SCN8A: variants seen among roughly 807,000 people sequenced by gnomAD.
The protein encoded by SCN8A is sodium voltage-gated channel alpha subunit 8, also known as sodium channel protein type 8 subunit alpha.
SCN8A carries 30 observed loss-of-function variants against 184.1 expected under a neutral mutation model. The ratio of observed to expected loss-of-function variants is 0.16; its 90% CI spans 0.12 to 0.22. The LOEUF (loss-of-function observed/expected upper bound fraction) is 0.22. Ranked by LOEUF, SCN8A falls within the 10% of genes least tolerant of loss-of-function variation. The probability of loss-of-function intolerance (pLI) is 1.00; values close to 1 mark genes in which losing one functional copy is unlikely to be tolerated. For synonymous variants in SCN8A, 852 were observed against 907.0 expected (o/e 0.94, Z 1.09); for missense variants, 1,057 against 2,498.9 (o/e 0.42, Z 12.30).
At chr12:51,666,833 A>G (rs1021306163) in intron 2 of SCN8A, among the ~76,000 whole-genome samples, 4 of 152,140 alleles carry the variant, frequency 2.6e-5, no homozygotes, top group Admixed American at 6.5e-5. Flanking sequence ...AGATACTGTT[A>G]TTTATTCCAG....
intron 5 of SCN8A, among the ~76,000 whole-genome samples, chr12:51,688,566 T>G (rs1054270999): frequency 1.3e-5 from 2 of 152,344 alleles, no homozygotes; most frequent in Non-Finnish European, 2.9e-5. Context: ...AAAAACCTCC[T>G]TTCTAATATA....
At chr12:51,621,356 G>C (rs565954440) in intron 1 of SCN8A, among the ~76,000 whole-genome samples, 1 of 152,130 alleles carries the variant, frequency 6.6e-6, no homozygotes, top group Non-Finnish European at 1.5e-5. Context: ...CAGAGTTTAC[G>C]TGGTCAATGT....
intron 14 of SCN8A, among the ~76,000 whole-genome samples, chr12:51,752,789 C>G (rs1156467937): frequency 6.6e-6 from 1 of 152,184 alleles, no homozygotes; most frequent in African/African-American, 2.4e-5. Flanking sequence ...CCTTGGCCAT[C>G]AAGCAGAATT....
chr12:51,653,957 T>C (rs1379528343), intron 1 of SCN8A, among the ~76,000 whole-genome samples: 2 of 152,242 alleles, frequency 1.3e-5, no homozygotes, highest in South Asian at 2.1e-4. Context: ...TTAATGATGC[T>C]GAACATCTTT....
intron 26 of SCN8A, among the ~76,000 whole-genome samples, chr12:51,800,553 T>C (rs1938528853): frequency 6.6e-6 from 1 of 152,240 alleles, no homozygotes; most frequent in Non-Finnish European, 1.5e-5. Flanking sequence ...ATAATAGGCC[T>C]CACACTACCA....
intron 26 of SCN8A, among the ~76,000 whole-genome samples, chr12:51,803,293 G>A (rs542803879): frequency 6.6e-6 from 1 of 152,084 alleles, no homozygotes; most frequent in South Asian, 2.1e-4. Context: ...GATGAAGGCC[G>A]GAAGACTCAG....
At chr12:51,642,512 C>T (rs1057294368) in intron 1 of SCN8A, among the ~76,000 whole-genome samples, 4 of 152,198 alleles carry the variant, frequency 2.6e-5, no homozygotes, top group African/African-American at 7.2e-5. Flanking sequence ...CCTAACAAGT[C>T]TGAAATCTTG....
At chr12:51,593,777 A>G (rs1218113325) in intron 1 of SCN8A, among the ~76,000 whole-genome samples, 1 of 152,194 alleles carries the variant, frequency 6.6e-6, no homozygotes, top group African/African-American at 2.4e-5. Context: ...CCTAGTTATC[A>G]TATTTTATTA....
chr12:51,715,682 AT>A (rs1171138651), intron 11 of SCN8A, among the ~76,000 whole-genome samples: 4 of 138,444 alleles, frequency 2.9e-5, no homozygotes, highest in Non-Finnish European at 4.8e-5. Context: ...AAAAAAAAAA[AT>A]TATATAAAAT....
chr12:51,617,170 C>G (rs1489500218), intron 1 of SCN8A, among the ~76,000 whole-genome samples: 1 of 152,078 alleles, frequency 6.6e-6, no homozygotes, highest in Admixed American at 6.6e-5. Context: ...AAGTTTTAGC[C>G]ATTGTTTCTT....
intron 1 of SCN8A, among the ~76,000 whole-genome samples, chr12:51,597,865 A>G (rs577701221): frequency 1.3e-5 from 2 of 152,316 alleles, no homozygotes; most frequent in African/African-American, 4.8e-5. Flanking sequence ...GGATAATGCA[A>G]CAGGCTTTTG....
At chr12:51,611,424 AG>A (rs1179096116) in intron 1 of SCN8A, among the ~76,000 whole-genome samples, 1 of 152,026 alleles carries the variant, frequency 6.6e-6, no homozygotes, top group Non-Finnish European at 1.5e-5. Context: ...AGCCTCCCAA[AG>A]TGCTGGGATT....
intron 1 of SCN8A, among the ~76,000 whole-genome samples, chr12:51,629,074 A>C (rs1197954999): frequency 6.6e-6 from 1 of 152,222 alleles, no homozygotes; most frequent in Admixed American, 6.5e-5. Context: ...TTGGCCTCAA[A>C]AACTAGCAGT....
chr12:51,637,699 G>T (rs1940349623), intron 1 of SCN8A, among the ~76,000 whole-genome samples: 1 of 152,186 alleles, frequency 6.6e-6, no homozygotes, highest in Non-Finnish European at 1.5e-5. Context: ...TTTAAGCAAA[G>T]AAGTCATCTC....
At chr12:51,712,911 A>G (rs1592398436) in intron 11 of SCN8A, 17 of 1,585,648 alleles carry the variant, frequency 1.1e-5, no homozygotes, top group Non-Finnish European at 1.4e-5. Context: ...TACCTCCACC[A>G]CCTCCAAAGC....
At chr12:51,716,427 G>A (rs1477064934) in intron 11 of SCN8A, among the ~76,000 whole-genome samples, 1 of 152,176 alleles carries the variant, frequency 6.6e-6, no homozygotes, top group Admixed American at 6.5e-5. Flanking sequence ...GATTAAGGAA[G>A]TTAGTAGAGG....
At chr12:51,737,338 C>T (rs1045988671) in intron 12 of SCN8A, among the ~76,000 whole-genome samples, 1 of 152,176 alleles carries the variant, frequency 6.6e-6, no homozygotes, top group Non-Finnish European at 1.5e-5. Context: ...AAAAAATTAG[C>T]AAATCTAGGG....
chr12:51,763,376 C>A (rs977306196), intron 15 of SCN8A, among the ~76,000 whole-genome samples: 60 of 152,122 alleles, frequency 3.9e-4, no homozygotes, highest in African/African-American at 1.4e-3. Flanking sequence ...CAACTGTAGG[C>A]GAATGTAAGT....
At chr12:51,684,323 C>A in intron 3 of SCN8A, 31 bp downstream of exon 3, 1 of 1,010,278 alleles carries the variant, frequency 9.9e-7, no homozygotes, top group Non-Finnish European at 1.6e-6. Flanking sequence ...GGAGTGAGTG[C>A]GGCAATTGCA....
Sources: allele counts gnomAD v4.1 joint callset (sites outside exome capture counted in the v4.1 genomes callset), GRCh38; gene constraint gnomAD v4.1.1; transcripts MANE v1.5; gene names NCBI Gene and HGNC (gene_info 2026-07-23, HGNC 2026-07-21).